The following CACNA2D3 variants were observed in gnomAD, a reference collection of about 807,000 sequenced individuals.
CACNA2D3 encodes the protein voltage-dependent calcium channel subunit alpha-2/delta-3.
A neutral mutation model predicts 160.6 loss-of-function variants in CACNA2D3; 60 were observed. The ratio of observed to expected loss-of-function variants is 0.37; its 90% confidence interval spans 0.30 to 0.46. The LOEUF (loss-of-function observed/expected upper bound fraction) is 0.46. CACNA2D3 is among the 20% of genes least tolerant of loss of function. The pLI is 1.00. For synonymous variants in CACNA2D3, 558 were observed against 492.9 expected (o/e 1.13, Z -1.75); for missense variants, 1,205 against 1,365.0 (o/e 0.88, Z 1.85).
intron 4 of CACNA2D3, among the ~76,000 whole-genome samples, chr3:54,464,084 C>T (rs1009172631): frequency 6.6e-6 from 1 of 151,870 alleles, no homozygotes; most frequent in Non-Finnish European, 1.5e-5. Flanking sequence ...TGCAGAACAG[C>T]AGTTTTTCAT....
intron 14 of CACNA2D3, among the ~76,000 whole-genome samples, chr3:54,828,102 A>G (rs539184728): frequency 2.0e-5 from 3 of 152,290 alleles, no homozygotes; most frequent in South Asian, 4.1e-4. Flanking sequence ...GGAAGGTTTT[A>G]TGGAGGAAGC....
intron 3 of CACNA2D3, among the ~76,000 whole-genome samples, chr3:54,322,125 A>G (rs1234807332): frequency 1.3e-5 from 2 of 152,214 alleles, no homozygotes; most frequent in African/African-American, 4.8e-5. Context: ...GGAGGGGGCC[A>G]TGCAGCATGC....
chr3:54,424,466 G>C (rs979611158), intron 4 of CACNA2D3, among the ~76,000 whole-genome samples: 18 of 152,336 alleles, frequency 1.2e-4, no homozygotes, highest in Admixed American at 2.6e-4. Flanking sequence ...CCCTCCTTTT[G>C]TGCCTGGATG....
At chr3:54,203,436 A>G (rs970877446) in intron 2 of CACNA2D3, among the ~76,000 whole-genome samples, 1 of 152,130 alleles carries the variant, frequency 6.6e-6, no homozygotes, top group African/African-American at 2.4e-5. Flanking sequence ...TTAGTTTGTC[A>G]TCTGTAGGCA....
intron 11 of CACNA2D3, among the ~76,000 whole-genome samples, chr3:54,657,833 A>G (rs1337675174): frequency 6.6e-6 from 1 of 152,132 alleles, no homozygotes; most frequent in Non-Finnish European, 1.5e-5. Flanking sequence ...GTTTGAGACC[A>G]GCCTAGCCAA....
intron 31 of CACNA2D3, among the ~76,000 whole-genome samples, chr3:55,002,947 T>C (rs1559460589): frequency 6.6e-6 from 1 of 152,344 alleles, no homozygotes; most frequent in East Asian, 1.9e-4. Context: ...TCTCATCATC[T>C]GTGTAACATT....
At chr3:54,930,587 A>G (rs1701163180) in intron 27 of CACNA2D3, among the ~76,000 whole-genome samples, 1 of 152,228 alleles carries the variant, frequency 6.6e-6, no homozygotes, top group African/African-American at 2.4e-5. Context: ...CAGAGAACCA[A>G]AGGCAGTCAA....
At chr3:54,671,221 T>C (rs551648771) in intron 11 of CACNA2D3, among the ~76,000 whole-genome samples, 2 of 151,484 alleles carry the variant, frequency 1.3e-5, no homozygotes, top group South Asian at 4.2e-4. Context: ...TCTCATTTCA[T>C]TGGAGAAAAA....
intron 2 of CACNA2D3, among the ~76,000 whole-genome samples, chr3:54,166,757 A>T (rs1404466878): frequency 6.6e-6 from 1 of 152,168 alleles, no homozygotes; most frequent in Non-Finnish European, 1.5e-5. Flanking sequence ...GAACATTTTA[A>T]ATGAGTTTTT....
chr3:54,303,819 T>G (rs1433022583), intron 2 of CACNA2D3, among the ~76,000 whole-genome samples: 1 of 15,710 alleles, frequency 6.4e-5, no homozygotes, highest in East Asian at 3.3e-3. Flanking sequence ...TTTTTTTCTG[T>G]TTTTTTTTTT....
intron 5 of CACNA2D3, among the ~76,000 whole-genome samples, chr3:54,516,231 CAGAT>C (rs1171151191): frequency 1.3e-5 from 2 of 152,186 alleles, no homozygotes. Flanking sequence ...GTTCACACCT[CAGAT>C]AGGTGAGTTT....
At chr3:55,070,628 T>A (rs1704782844) in intron 35 of CACNA2D3, among the ~76,000 whole-genome samples, 1 of 152,162 alleles carries the variant, frequency 6.6e-6, no homozygotes, top group Non-Finnish European at 1.5e-5. Flanking sequence ...AGACAATGTA[T>A]AGGGCACAGG....
chr3:54,842,634 T>A (rs1173404029), intron 16 of CACNA2D3, among the ~76,000 whole-genome samples: 1 of 149,718 alleles, frequency 6.7e-6, no homozygotes, highest in Non-Finnish European at 1.5e-5. Context: ...AGGGTCTGGC[T>A]CTGTCACCCA....
chr3:54,443,098 A>C (rs966015136), intron 4 of CACNA2D3, among the ~76,000 whole-genome samples: 3 of 152,200 alleles, frequency 2.0e-5, no homozygotes, highest in Non-Finnish European at 4.4e-5. Context: ...GTAGGTGCTG[A>C]ATAAAGTTAA....
intron 13 of CACNA2D3, among the ~76,000 whole-genome samples, chr3:54,803,369 G>A (rs1703040605): frequency 6.6e-6 from 1 of 152,178 alleles, no homozygotes; most frequent in Non-Finnish European, 1.5e-5. Flanking sequence ...GCTTAAAGGA[G>A]CTGATGGAGC....
chr3:54,291,752 C>A (rs1267962057), intron 2 of CACNA2D3, among the ~76,000 whole-genome samples: 1 of 152,094 alleles, frequency 6.6e-6, no homozygotes, highest in Non-Finnish European at 1.5e-5. Flanking sequence ...GTCTGGTGGA[C>A]ATAGTTACTC....
intron 17 of CACNA2D3, among the ~76,000 whole-genome samples, chr3:54,862,928 C>G (rs959037450): frequency 1.5e-4 from 23 of 152,158 alleles, no homozygotes; most frequent in African/African-American, 5.3e-4. Flanking sequence ...ACCTCATATT[C>G]AAAACGGTCT....
chr3:54,763,029 A>C (rs1430806441), intron 12 of CACNA2D3, among the ~76,000 whole-genome samples: 4 of 149,408 alleles, frequency 2.7e-5, no homozygotes, highest in Non-Finnish European at 1.5e-5. Flanking sequence ...CGGAGCTTGC[A>C]GTGAGCAGAG....
chr3:54,663,467 C>T lies in CACNA2D3; in HGVS notation c.1167+21226C>T, dbSNP rs548226526. On this transcript the variant is annotated intron_variant, in intron 11 of 37. Transcript: ENST00000474759. ...TTCCAGGCACCAAGACTTTGATCAA[C>T]CTGAGTCAGGAGGTTTGTGTGAAAC... Among the ~76,000 whole-genome samples, 3 of 152,282 alleles carry T rather than the reference C, an allele frequency of 2.0e-5. No homozygotes were observed. The South Asian group carries it at 6.2e-4, about 32-fold the overall frequency.
Sources: allele counts gnomAD v4.1 joint callset (sites outside exome capture counted in the v4.1 genomes callset), GRCh38; gene constraint gnomAD v4.1.1; transcripts MANE v1.5; gene names NCBI Gene and HGNC (gene_info 2026-07-23, HGNC 2026-07-21).